FRY: variants seen among roughly 807,000 people sequenced by gnomAD.
The protein encoded by FRY is FRY microtubule binding protein.
FRY carries 128 observed loss-of-function variants against 348.4 expected under a neutral mutation model. That is an observed-to-expected ratio of 0.37 (90% CI 0.32 to 0.43). FRY has a LOEUF of 0.43. Among genes scored for constraint, FRY ranks in the 20% least tolerant of loss-of-function variants. The pLI is 1.00. For missense variants in FRY, 2,736 were observed against 3,695.2 expected, an observed-to-expected ratio of 0.74 and a Z score of 6.73; for synonymous variants, 1,370 against 1,374.7, an observed-to-expected ratio of 1.00 and a Z score of 0.08.
intron 31 of FRY, among the ~76,000 whole-genome samples, chr13:32,204,107 TTA>T (rs1454783583): frequency 6.6e-6 from 1 of 152,198 alleles, no homozygotes. Flanking sequence ...AGTACAGTGG[TTA>T]GAACAGAGGC....
At chr13:32,091,695 A>G (rs1037145830) in intron 2 of FRY, among the ~76,000 whole-genome samples, 1 of 152,222 alleles carries the variant, frequency 6.6e-6, no homozygotes, top group African/African-American at 2.4e-5. Context: ...TGAAGAAGAG[A>G]GATCCTAATG....
intron 8 of FRY, among the ~76,000 whole-genome samples, chr13:32,132,945 T>C (rs1269821537): frequency 6.6e-6 from 1 of 152,168 alleles, no homozygotes; most frequent in Admixed American, 6.5e-5. Context: ...CAAAAGGCCA[T>C]GTATTATATT....
At chr13:32,145,833 C>T (rs950034040) in intron 11 of FRY, among the ~76,000 whole-genome samples, 2 of 151,988 alleles carry the variant, frequency 1.3e-5, no homozygotes, top group Non-Finnish European at 2.9e-5. Context: ...CGTGAGCCAC[C>T]GCGCCCGGCC....
chr13:32,165,262 G>T (rs1002221985), intron 17 of FRY, among the ~76,000 whole-genome samples: 1 of 152,166 alleles, frequency 6.6e-6, no homozygotes, highest in Non-Finnish European at 1.5e-5. Context: ...GTCTTCTAGG[G>T]TATCTAAAAA....
At chr13:32,054,654 A>G (rs1270482961) in intron 1 of FRY, among the ~76,000 whole-genome samples, 1 of 152,126 alleles carries the variant, frequency 6.6e-6, no homozygotes, top group East Asian at 1.9e-4. Context: ...CAGGCGGATC[A>G]CAAGGTCAGG....
chr13:32,067,352 T>G (rs1442167617), intron 1 of FRY, among the ~76,000 whole-genome samples: 1 of 125,132 alleles, frequency 8.0e-6, no homozygotes, highest in Middle Eastern at 3.7e-3. Flanking sequence ...TTTCAGTTCG[T>G]TTTTTTTTCT....
At chr13:32,167,130 C>G (rs1311918367) in intron 17 of FRY, among the ~76,000 whole-genome samples, 1 of 152,168 alleles carries the variant, frequency 6.6e-6, no homozygotes, top group African/African-American at 2.4e-5. Context: ...AGTATTGGCC[C>G]TTACTTAAAG....
At position 32,231,209 on chromosome 13, in the gene FRY, C is replaced by T. The variant is rs1885892808; in HGVS notation, c.5436C>T (p.Asp1812=). 6.2e-7 allele frequency: 1 copy of T among 1,612,770 alleles called. No individual in the cohort carries two copies. Among genetic ancestry groups the T allele is most frequent in the Non-Finnish European group, 8.5e-7 (1 of 1,178,752 alleles). The change falls in exon 41 of 61, where the codon GAC becomes GAT. Residue 1812 remains aspartate, a synonymous_variant. Transcript: ENST00000542859. ...RAFGPLWCHE[D]ITPKNQNSKS... ...TTGGTCCACTTTGGTGCCATGAAGA[C>T]ATCACACCTAAAAATCAAAATTCAA...
At chr13:32,130,963 G>A (rs568559848) in intron 7 of FRY, among the ~76,000 whole-genome samples, 3 of 151,972 alleles carry the variant, frequency 2.0e-5, no homozygotes, top group South Asian at 2.1e-4. Context: ...TTACAGGTGC[G>A]TGCCACCACA....
In FRY at chr13:32,171,042, A is replaced by T. The variant is rs1471423784; in HGVS notation, c.1923A>T (p.Arg641=). The T allele has an allele frequency of 1.9e-6, 3 of 1,610,218 alleles. No homozygotes were observed. In the South Asian group the frequency reaches 3.3e-5, roughly 18 times the overall value. ...RLSIHMDDEL[R]HIAQNSLQGL... ...CTATTCATATGGATGATGAATTGCGACATATTGCACAAAATTCTCTTCAGG... is the reference window on the plus strand; with the variant it reads ...CTATTCATATGGATGATGAATTGCGTCATATTGCACAAAATTCTCTTCAGG... Residue 641 remains arginine, a synonymous_variant, in exon 18 of 61, where the codon CGA becomes CGT. Transcript: ENST00000542859.
intron 1 of FRY, 35 bp from the exon 2 acceptor site, chr13:32,078,799 T>C (rs1188647828): frequency 7.5e-6 from 11 of 1,458,568 alleles, no homozygotes; most frequent in Non-Finnish European, 6.7e-6. Context: ...ATGACATTAT[T>C]ATCAGCCAGT....
At chr13:32,238,760 A>T (rs1663202963) in intron 44 of FRY, among the ~76,000 whole-genome samples, 2 of 152,128 alleles carry the variant, frequency 1.3e-5, no homozygotes, top group East Asian at 3.9e-4. Flanking sequence ...AACAAACCAG[A>T]TTTTTAATGC....
intron 4 of FRY, among the ~76,000 whole-genome samples, chr13:32,119,905 T>G (rs1449872421): frequency 6.6e-6 from 1 of 152,210 alleles, no homozygotes; most frequent in East Asian, 1.9e-4. Flanking sequence ...AACATGCAAG[T>G]TCCTTCTTAA....
At chr13:32,131,095 C>T (rs1275370274) in intron 7 of FRY, among the ~76,000 whole-genome samples, 1 of 152,164 alleles carries the variant, frequency 6.6e-6, no homozygotes, top group Non-Finnish European at 1.5e-5. Context: ...GGATTACAGG[C>T]GAGCGCCACT....
intron 11 of FRY, 49 bp downstream of exon 11, chr13:32,137,021 G>A: frequency 1.9e-6 from 2 of 1,028,806 alleles, no homozygotes; most frequent in Non-Finnish European, 3.1e-6. Flanking sequence ...ATTTACAGTA[G>A]TTTTTAGGCT....
intron 55 of FRY, among the ~76,000 whole-genome samples, chr13:32,267,876 T>C (rs759601143): frequency 3.9e-5 from 6 of 152,192 alleles, no homozygotes; most frequent in Non-Finnish European, 8.8e-5. Flanking sequence ...GCAGATTTCG[T>C]TTTATGAAAT....
intron 40 of FRY, among the ~76,000 whole-genome samples, chr13:32,230,815 C>T (rs192878906): frequency 6.6e-6 from 1 of 152,150 alleles, no homozygotes; most frequent in East Asian, 1.9e-4. Context: ...ACCTTGCCAG[C>T]GTCTATTATT....
At chr13:32,121,470 C>T (rs965583115) in intron 4 of FRY, among the ~76,000 whole-genome samples, 1 of 152,070 alleles carries the variant, frequency 6.6e-6, no homozygotes, top group African/African-American at 2.4e-5. Flanking sequence ...TTTTTATGGC[C>T]GTTCTTGCAG....
At chr13:32,268,506 ATATAT>A (rs1228104253) in intron 55 of FRY, among the ~76,000 whole-genome samples, 322 of 28,776 alleles carry the variant, frequency 0.011, no homozygotes, top group African/African-American at 0.02. Flanking sequence ...AAAAAAAAAA[ATATAT>A]ATATATATAT....
Sources: gnomAD v4.1 joint callset for allele counts (sites outside exome capture counted in the v4.1 genomes callset) on GRCh38, gnomAD v4.1.1 for gene constraint, MANE v1.5 for transcripts, NCBI Gene and HGNC (gene_info 2026-07-23, HGNC 2026-07-21) for gene names.